The following BMPR1B variants were observed in gnomAD, a reference collection of about 807,000 sequenced individuals.
BMPR1B encodes bone morphogenetic protein receptor type-1B.
A neutral mutation model predicts 59.1 loss-of-function variants in BMPR1B; 12 were observed. That is an observed-to-expected ratio of 0.20 (90% CI 0.13 to 0.33). The LOEUF is 0.33. BMPR1B is among the 10% of genes least tolerant of loss of function. BMPR1B has a pLI of 1.00. For missense variants in BMPR1B, 550 were observed against 610.9 expected, an observed-to-expected ratio of 0.90 and a Z score of 1.05; for synonymous variants, 237 against 207.3, an observed-to-expected ratio of 1.14 and a Z score of -1.23.
At chr4:94,876,606 A>G (rs750718352) in intron 2 of BMPR1B, among the ~76,000 whole-genome samples, 2 of 152,212 alleles carry the variant, frequency 1.3e-5, no homozygotes, top group Non-Finnish European at 2.9e-5. Flanking sequence ...AAATTAAGAA[A>G]ATTGCCCAGG....
intron 3 of BMPR1B, among the ~76,000 whole-genome samples, chr4:95,013,107 T>TA (rs889641924): frequency 2.7e-5 from 4 of 147,124 alleles, no homozygotes; most frequent in East Asian, 4.0e-4. Context: ...GTTTTTCAAA[T>TA]AAAAAAAAAA....
chr4:94,933,696 T>G (rs1729179580), intron 2 of BMPR1B, among the ~76,000 whole-genome samples: 1 of 152,142 alleles, frequency 6.6e-6, no homozygotes, highest in African/African-American at 2.4e-5. Context: ...TATGACAGAC[T>G]GTCATTGTAA....
chr4:94,902,245 CACACAGAGAG>C lies in BMPR1B; in HGVS notation c.-113+26347_-113+26356del, dbSNP rs1401279886. Among the ~76,000 whole-genome samples the C allele has an allele frequency of 9.0e-3, 823 of 91,456 alleles. 2 individuals carry two copies. The highest frequency in any genetic ancestry group is 0.025 in the African/African-American group (549 of 22,306). The allele number at this position is 91,456 out of a possible 152,430, so 60.0% of individuals were successfully genotyped here. Reference sequence around the variant, plus strand: ...ACACACACACACACACACACACACACACACAGAGAGAGAGAGAGAGAGAGAGAGAGAGAGA... The same window carrying C: ...ACACACACACACACACACACACACACAGAGAGAGAGAGAGAGAGAGAGAGA... On this transcript the variant is annotated intron_variant, in intron 2 of 12. Coordinates refer to ENST00000515059, the MANE Select transcript of BMPR1B (RefSeq NM_001203.3).
In BMPR1B at chr4:95,154,775, G is replaced by C. The variant is rs552181587; in HGVS notation, c.*102G>C. 3 of 1,536,948 alleles carry C rather than the reference G, an allele frequency of 2.0e-6. No homozygotes were observed. The East Asian group carries it at 6.8e-5, about 35-fold the overall frequency. On this transcript the variant is annotated 3_prime_UTR_variant, in exon 13 of 13. Coordinates refer to ENST00000515059, the MANE Select transcript of BMPR1B (RefSeq NM_001203.3). The stretch of plus-strand genomic sequence containing the variant: ...AATAAGCATCCACAGTACAAGCCTT[G>C]AACATCGTCCTGCTTCCCAGTGGGT...
At chr4:94,900,778 ATAACT>A (rs1268328021) in intron 2 of BMPR1B, among the ~76,000 whole-genome samples, 12 of 152,150 alleles carry the variant, frequency 7.9e-5, no homozygotes, top group African/African-American at 2.9e-4. Flanking sequence ...GGGAACCCAA[ATAACT>A]TACCAAAAAA....
intron 3 of BMPR1B, among the ~76,000 whole-genome samples, chr4:95,003,603 C>T (rs1399293322): frequency 6.6e-6 from 1 of 152,030 alleles, no homozygotes; most frequent in Non-Finnish European, 1.5e-5. Context: ...CCTCCATTTA[C>T]AAGGGGTGCC....
At chr4:95,053,347 TATATC>T (rs1382474250) in intron 3 of BMPR1B, among the ~76,000 whole-genome samples, 4 of 149,546 alleles carry the variant, frequency 2.7e-5, no homozygotes, top group South Asian at 2.1e-4. Context: ...TAATTTATCT[TATATC>T]ATACTATCAT....
At chr4:94,818,855 G>C (rs1724104074) in intron 1 of BMPR1B, among the ~76,000 whole-genome samples, 1 of 152,136 alleles carries the variant, frequency 6.6e-6, no homozygotes, top group South Asian at 2.1e-4. Context: ...TTATAGGCTA[G>C]GTGTGATGGC....
intron 9 of BMPR1B, among the ~76,000 whole-genome samples, chr4:95,130,583 G>T (rs2149300674): frequency 6.6e-6 from 1 of 152,074 alleles, no homozygotes; most frequent in Non-Finnish European, 1.5e-5. Context: ...ATACCATAAA[G>T]TAGTTTATAT....
intron 1 of BMPR1B, among the ~76,000 whole-genome samples, chr4:94,767,272 A>C (rs946598764): frequency 2.0e-5 from 3 of 152,200 alleles, no homozygotes; most frequent in Admixed American, 6.5e-5. Context: ...TTTTCCCACC[A>C]TTGCATGTTT....
At chr4:95,024,645 C>A (rs745393807) in intron 3 of BMPR1B, among the ~76,000 whole-genome samples, 1 of 152,092 alleles carries the variant, frequency 6.6e-6, no homozygotes, top group Non-Finnish European at 1.5e-5. Context: ...GTGAACATGA[C>A]AAAGTACCCA....
chr4:94,811,816 G>A (rs2110639414), intron 1 of BMPR1B, among the ~76,000 whole-genome samples: 1 of 152,220 alleles, frequency 6.6e-6, no homozygotes, highest in South Asian at 2.1e-4. Flanking sequence ...TGCTCCCTGT[G>A]AGTGAGTGCC....
chr4:95,103,797 G>T (rs565912194), intron 3 of BMPR1B, among the ~76,000 whole-genome samples: 58 of 152,228 alleles, frequency 3.8e-4, no homozygotes, highest in African/African-American at 1.4e-3. Flanking sequence ...TCCCCATGCT[G>T]ATGGGGAAGA....
intron 2 of BMPR1B, among the ~76,000 whole-genome samples, chr4:94,929,203 G>A (rs971082016): frequency 2.6e-5 from 4 of 152,164 alleles, no homozygotes; most frequent in African/African-American, 7.2e-5. Context: ...AGTCAAAGCC[G>A]TCGTTAAACA....
intron 3 of BMPR1B, among the ~76,000 whole-genome samples, chr4:95,070,242 G>A (rs1728177027): frequency 6.6e-6 from 1 of 152,062 alleles, no homozygotes. Context: ...AATGATGAGG[G>A]CCTCCTTTTG....
intron 3 of BMPR1B, among the ~76,000 whole-genome samples, chr4:95,013,974 G>C (rs1203696362): frequency 6.6e-6 from 1 of 152,150 alleles, no homozygotes; most frequent in Non-Finnish European, 1.5e-5. Flanking sequence ...TTGCTTAGTA[G>C]TGGTTTCTTG....
intron 1 of BMPR1B, among the ~76,000 whole-genome samples, chr4:94,868,158 C>T (rs1271340680): frequency 6.6e-6 from 1 of 151,198 alleles, no homozygotes; most frequent in African/African-American, 2.4e-5. Flanking sequence ...CCACCATACC[C>T]AGCCTTACTT....
intron 3 of BMPR1B, among the ~76,000 whole-genome samples, chr4:95,065,990 G>A (rs1366704912): frequency 3.3e-5 from 5 of 152,164 alleles, no homozygotes; most frequent in Non-Finnish European, 4.4e-5. Flanking sequence ...ACTTAGCGCA[G>A]TAGCCCACCT....
chr4:95,087,910 A>G, intron 3 of BMPR1B, among the ~76,000 whole-genome samples: 1 of 152,192 alleles, frequency 6.6e-6, no homozygotes, highest in East Asian at 1.9e-4. Flanking sequence ...GTTGTTTCTT[A>G]AGAGAATGTC....
Sources: gnomAD v4.1 joint callset for allele counts (sites outside exome capture counted in the v4.1 genomes callset) on GRCh38, gnomAD v4.1.1 for gene constraint, MANE v1.5 for transcripts, NCBI Gene and HGNC (gene_info 2026-07-23, HGNC 2026-07-21) for gene names.